Variants in CA10 observed in about 807,000 individuals in gnomAD.
CA10 encodes the protein carbonic anhydrase-related protein 10.
CA10 carries 14 observed loss-of-function variants against 44.2 expected under a neutral mutation model. The observed-to-expected ratio is 0.32, with a 90% CI of 0.21 to 0.50. CA10 has a LOEUF of 0.50. Ranked by LOEUF, CA10 falls within the 20% of genes least tolerant of loss-of-function variation. CA10 has a pLI of 0.99. For synonymous variants in CA10, 159 were observed against 141.6 expected, an observed-to-expected ratio of 1.12 and a Z score of -0.87; for missense variants, 350 against 409.7, an observed-to-expected ratio of 0.85 and a Z score of 1.26.
intron 4 of CA10, among the ~76,000 whole-genome samples, chr17:51,722,573 C>T (rs547454147): frequency 2.0e-4 from 30 of 152,330 alleles, no homozygotes; most frequent in Non-Finnish European, 3.7e-4. Flanking sequence ...GTGATGGCCT[C>T]AGGGCCCCCT....
intron 3 of CA10, among the ~76,000 whole-genome samples, chr17:51,849,091 A>C (rs1452154207): frequency 6.8e-6 from 1 of 147,994 alleles, no homozygotes; most frequent in African/African-American, 2.5e-5. Context: ...ATATATGTGT[A>C]TATTTATGTA....
chr17:51,739,020 C>T (rs182948978), intron 4 of CA10, among the ~76,000 whole-genome samples: 25 of 152,150 alleles, frequency 1.6e-4, no homozygotes, highest in Admixed American at 9.2e-4. Flanking sequence ...AAAAGTTCCT[C>T]CTCTGACACT....
At chr17:51,974,506 CAA>C (rs1053647360) in intron 2 of CA10, among the ~76,000 whole-genome samples, 2 of 145,982 alleles carry the variant, frequency 1.4e-5, no homozygotes, top group African/African-American at 2.5e-5. Flanking sequence ...TAAAACAAAA[CAA>C]AAAACTGTAA....
At chr17:51,916,540 C>T (rs1982003615) in intron 3 of CA10, among the ~76,000 whole-genome samples, 1 of 152,062 alleles carries the variant, frequency 6.6e-6, no homozygotes, top group Non-Finnish European at 1.5e-5. Flanking sequence ...AGGGAGTTTC[C>T]CTGCACAAAT....
At chr17:52,059,473 C>T (rs2143084953) in intron 2 of CA10, among the ~76,000 whole-genome samples, 1 of 152,154 alleles carries the variant, frequency 6.6e-6, no homozygotes, top group South Asian at 2.1e-4. Context: ...CAATTGATAA[C>T]AAAAAGTCCG....
At chr17:51,757,880 G>A (rs1267350296) in intron 3 of CA10, among the ~76,000 whole-genome samples, 1 of 151,738 alleles carries the variant, frequency 6.6e-6, no homozygotes, top group Non-Finnish European at 1.5e-5. Context: ...CTTTTGCAAT[G>A]CATCTTTGAA....
chr17:52,120,390 G>T (rs1988987039), intron 1 of CA10, among the ~76,000 whole-genome samples: 1 of 152,014 alleles, frequency 6.6e-6, no homozygotes, highest in Non-Finnish European at 1.5e-5. Flanking sequence ...GCAGGAAGCA[G>T]TTAATATTGG....
chr17:52,075,932 A>AT (rs1327484905), intron 1 of CA10, among the ~76,000 whole-genome samples: 2 of 152,086 alleles, frequency 1.3e-5, no homozygotes, highest in Admixed American at 6.5e-5. Flanking sequence ...ATGTTCAAAT[A>AT]TTTTTTCTAC....
chr17:51,963,345 G>T (rs901821646), intron 2 of CA10, among the ~76,000 whole-genome samples: 7 of 152,124 alleles, frequency 4.6e-5, no homozygotes, highest in Non-Finnish European at 2.9e-5. Flanking sequence ...AAACATATTT[G>T]AGGGGCTAAT....
chr17:51,962,307 C>T (rs1479261079), intron 2 of CA10, among the ~76,000 whole-genome samples: 3 of 152,244 alleles, frequency 2.0e-5, no homozygotes, highest in Non-Finnish European at 2.9e-5. Context: ...TGCCCAGTCA[C>T]ACCTTTGGGG....
At chr17:51,684,923 T>C (rs1389115060) in intron 4 of CA10, among the ~76,000 whole-genome samples, 1 of 152,070 alleles carries the variant, frequency 6.6e-6, no homozygotes, top group Non-Finnish European at 1.5e-5. Flanking sequence ...CTGGGGTGGG[T>C]GGTTTGTTTC....
chr17:51,805,379 G>A (rs969101969), intron 3 of CA10, among the ~76,000 whole-genome samples: 1 of 152,206 alleles, frequency 6.6e-6, no homozygotes, highest in Non-Finnish European at 1.5e-5. Context: ...GACAAATACT[G>A]AGTAAACAAT....
chr17:52,072,054 C>G (rs1987693443), intron 2 of CA10, among the ~76,000 whole-genome samples: 1 of 152,208 alleles, frequency 6.6e-6, no homozygotes, highest in Non-Finnish European at 1.5e-5. Flanking sequence ...AACCAAATGT[C>G]AGCAGACACA....
intron 1 of CA10, among the ~76,000 whole-genome samples, chr17:52,086,701 T>A (rs1182978322): frequency 6.6e-6 from 1 of 152,076 alleles, no homozygotes; most frequent in Admixed American, 6.5e-5. Context: ...AGAAGAGGAG[T>A]AAATATTTTT....
In CA10 at chr17:52,158,097, TAGC is replaced by T. The variant is rs1301484824; in HGVS notation, c.-314_-312del. The T allele has an allele frequency of 2.0e-6, 1 of 492,838 alleles. No homozygotes were observed. The highest frequency in any genetic ancestry group is 3.3e-5 in the Admixed American group (1 of 29,914). 30.5% of individuals were successfully genotyped at this position (492,838 alleles called of 1,614,324 possible). A position where few individuals can be genotyped will look rare whatever the true frequency, so the allele number is the denominator to read the frequency against. ...TTCGCACCAGCGGCGGAAACCGCACTAGCAGCGGCGGCGGCGGCGGCGGCGGCA... is the reference window on the plus strand; with the variant it reads ...TTCGCACCAGCGGCGGAAACCGCACTAGCGGCGGCGGCGGCGGCGGCGGCA... On this transcript the variant is annotated 5_prime_UTR_variant, in exon 1 of 9. Transcript: ENST00000451037.
chr17:51,968,284 C>A (rs1311645623), intron 2 of CA10, among the ~76,000 whole-genome samples: 3 of 151,848 alleles, frequency 2.0e-5, no homozygotes, highest in Non-Finnish European at 3.0e-5. Flanking sequence ...TCATTATCAC[C>A]CCAAACTAGA....
At chr17:51,919,265 A>G (rs1008691466) in intron 3 of CA10, among the ~76,000 whole-genome samples, 1 of 152,196 alleles carries the variant, frequency 6.6e-6, no homozygotes, top group Admixed American at 6.5e-5. Context: ...ACATAGAACA[A>G]CTTTGTGGGT....
rs185288985 is a variant in CA10, at chr17:52,039,735, G to A, written c.136+32584C>T. ...CATTTCTTTTAATCATATGCTAAGT[G>A]TAAAAGTAACACATTAGAGTTTGTC... On this transcript the variant is annotated intron_variant, in intron 2 of 8. Transcript: ENST00000451037. 2.4e-4 allele frequency among the ~76,000 whole-genome samples: 36 copies of A among 152,172 alleles called. 1 individual carries two copies. Among genetic ancestry groups the A allele is most frequent in the Admixed American group, 2.4e-3 (36 of 15,276 alleles).
At chr17:51,708,614 C>T (rs2143482914) in intron 4 of CA10, among the ~76,000 whole-genome samples, 1 of 152,244 alleles carries the variant, frequency 6.6e-6, no homozygotes, top group Non-Finnish European at 1.5e-5. Flanking sequence ...TTTTCCTGGG[C>T]ATGGCTGTGA....
Sources: allele counts gnomAD v4.1 joint callset (sites outside exome capture counted in the v4.1 genomes callset), GRCh38; gene constraint gnomAD v4.1.1; transcripts MANE v1.5; gene names NCBI Gene and HGNC (gene_info 2026-07-23, HGNC 2026-07-21).